Variants in MCM9 observed in about 807,000 individuals in gnomAD.
The protein encoded by MCM9 is minichromosome maintenance 9 homologous recombination repair factor.
MCM9 carries 55 observed loss-of-function variants against 72.8 expected under a neutral mutation model. The observed-to-expected ratio is 0.76, with a 90% CI of 0.61 to 0.95. The LOEUF (loss-of-function observed/expected upper bound fraction) is 0.95, where lower values mean the gene tolerates loss of function less well. Among genes scored for constraint, MCM9 ranks in the 40% least tolerant of loss-of-function variants. The pLI is 0.00. For synonymous variants in MCM9, 480 were observed against 503.4 expected, an observed-to-expected ratio of 0.95 and a Z score of 0.62; for missense variants, 1,279 against 1,377.0, an observed-to-expected ratio of 0.93 and a Z score of 1.13.
chr6:118,912,997 G>A, intron 7 of MCM9: 1 of 250,156 alleles, frequency 4.0e-6, no homozygotes, highest in Admixed American at 5.1e-5. Flanking sequence ...AACAGACCGG[G>A]GATCCAACAA....
At chr6:118,819,068 G>C (rs7759672) in intron 13 of MCM9, among the ~76,000 whole-genome samples, 1,572 of 152,064 alleles carry the variant, frequency 0.01, 29 homozygotes, top group African/African-American at 0.036. Flanking sequence ...TCTGCAAACA[G>C]AGACAATTTA....
chr6:118,842,895 G>A (rs1406439286), intron 9 of MCM9, among the ~76,000 whole-genome samples: 1 of 151,980 alleles, frequency 6.6e-6, no homozygotes, highest in Non-Finnish European at 1.5e-5. Context: ...TAAGCAGCCA[G>A]GACAAAATTT....
Position 118,815,197 on chromosome 6 carries a change from A to C in MCM9, c.3059T>G (p.Leu1020Ter), listed in dbSNP as rs1773331330. The C allele has an allele frequency of 1.3e-6, 2 of 1,550,544 alleles. No individual in the cohort carries two copies. Among genetic ancestry groups the C allele is most frequent in the Non-Finnish European group, 1.7e-6 (2 of 1,146,968 alleles). The change falls in exon 14 of 14, where the codon TTA becomes TGA. Residue 1020 changes from leucine (L) to a stop codon, truncating the protein, a stop_gained. Coordinates refer to ENST00000619706, the MANE Select transcript of MCM9 (RefSeq NM_017696.3). LOFTEE classifies it low-confidence loss of function (END_TRUNC). ...ACACCCAGTCTCGTTCCCAAGCTCT[A>C]ATTCAGGCTGAATAATCCTCTTCTC... is the stretch of plus-strand genomic sequence containing the variant. ...APEKRIIQPE[L>*]ELGNETGCAH...
intron 8 of MCM9, among the ~76,000 whole-genome samples, chr6:118,869,146 A>T (rs1259725991): frequency 6.6e-6 from 1 of 152,230 alleles, no homozygotes; most frequent in Non-Finnish European, 1.5e-5. Context: ...CATTCTCAGC[A>T]AACTATCAGA....
intron 8 of MCM9, among the ~76,000 whole-genome samples, chr6:118,864,237 G>A (rs1777080659): frequency 6.6e-6 from 1 of 152,016 alleles, no homozygotes; most frequent in African/African-American, 2.4e-5. Context: ...AGTCCCCAAA[G>A]TCCATTATAT....
chr6:118,875,428 T>C (rs1379414383), intron 8 of MCM9, among the ~76,000 whole-genome samples: 1 of 152,046 alleles, frequency 6.6e-6, no homozygotes, highest in Admixed American at 6.5e-5. Flanking sequence ...TTGAGCAATA[T>C]GTGTTTCAAT....
At chr6:118,819,256 T>C (rs766018984) in intron 13 of MCM9, among the ~76,000 whole-genome samples, 11 of 152,200 alleles carry the variant, frequency 7.2e-5, no homozygotes, top group African/African-American at 2.2e-4. Context: ...GGCTGTAGGT[T>C]TGTCATAAAT....
chr6:118,923,865 C>A lies in MCM9; in HGVS notation c.567G>T (p.Leu189Phe). 1 of 1,614,172 alleles carries A rather than the reference C, an allele frequency of 6.2e-7. No homozygotes were observed. The highest frequency in any genetic ancestry group is 8.5e-7 in the Non-Finnish European group (1 of 1,180,026). ...DSSKFTCLSG[L>F]SSSPTRCRDY... ...CTCTACACCTGGTTGGAGACGAAGA[C>A]AAGCCTGAGAGGCAAGTGAATTTAG... Residue 189 changes from leucine (L) to phenylalanine (F), a missense_variant, in exon 4 of 14, where the codon TTG becomes TTT. Transcript: ENST00000619706.
intron 8 of MCM9, among the ~76,000 whole-genome samples, chr6:118,897,479 T>C (rs1471842880): frequency 6.6e-6 from 1 of 152,104 alleles, no homozygotes; most frequent in African/African-American, 2.4e-5. Context: ...CTACTGTCAA[T>C]TGAATACTTA....
chr6:118,840,174 T>C (rs554190089), intron 9 of MCM9, among the ~76,000 whole-genome samples: 2 of 150,988 alleles, frequency 1.3e-5, no homozygotes, highest in African/African-American at 4.9e-5. Context: ...ATGTTATTTT[T>C]TTTTTTTTCT....
intron 8 of MCM9, among the ~76,000 whole-genome samples, chr6:118,858,747 C>T (rs1776726762): frequency 2.0e-5 from 3 of 152,038 alleles, no homozygotes; most frequent in African/African-American, 7.2e-5. Flanking sequence ...CTACAAAACA[C>T]TGACAGAGGA....
chr6:118,910,788 TC>T (rs1472092950), intron 8 of MCM9: 2 of 985,428 alleles, frequency 2.0e-6, no homozygotes, highest in Non-Finnish European at 2.4e-6. Context: ...GAGTTATATT[TC>T]AAAACCTGAG....
chr6:118,815,922 G>A lies in MCM9; in HGVS notation c.2334C>T (p.Asn778=). ...SGENMASKIS[N]STSQGKEKSE... is the part of the protein sequence containing the mutation. ...TCTTCTCCTTACCCTGAGATGTGCT[G>A]TTAGAGATCTTCGAAGCCATATTTT... Residue 778 remains asparagine, a synonymous_variant, in exon 14 of 14, where the codon AAC becomes AAT. Transcript: ENST00000619706. The A allele has an allele frequency of 6.5e-7, 1 of 1,548,316 alleles. No homozygotes were observed. Among genetic ancestry groups the A allele is most frequent in the Non-Finnish European group, 8.7e-7 (1 of 1,146,930 alleles).
At chr6:118,882,187 C>T (rs1377788933) in intron 8 of MCM9, among the ~76,000 whole-genome samples, 1 of 152,172 alleles carries the variant, frequency 6.6e-6, no homozygotes, top group Admixed American at 6.5e-5. Context: ...AAAGGTTCCA[C>T]CTGGAAAGAC....
chr6:118,877,507 C>T (rs1285740411), intron 8 of MCM9, among the ~76,000 whole-genome samples: 1 of 152,076 alleles, frequency 6.6e-6, no homozygotes, highest in South Asian at 2.1e-4. Flanking sequence ...CATTACACAC[C>T]CACAAGTATG....
chr6:118,906,364 C>T (rs953669621), intron 8 of MCM9, among the ~76,000 whole-genome samples: 2 of 152,156 alleles, frequency 1.3e-5, no homozygotes, highest in African/African-American at 4.8e-5. Context: ...TGAGCCACCA[C>T]GCCCAGAGAA....
chr6:118,832,314 T>C (rs1774615992), intron 9 of MCM9, among the ~76,000 whole-genome samples: 1 of 152,178 alleles, frequency 6.6e-6, no homozygotes, highest in Non-Finnish European at 1.5e-5. Context: ...CCTCCCGCCT[T>C]GGCCTCCCAA....
rs1360970499 is a variant in MCM9, at chr6:118,922,015, A to G, written c.693T>C (p.Ser231=). Residue 231 remains serine (S), a synonymous_variant, in exon 5 of 14, where the codon AGT becomes AGC. Coordinates refer to ENST00000619706, the MANE Select transcript of MCM9 (RefSeq NM_017696.3). ...TTCCCCTCTTCTTACCAGATTTGCAACTATCCACTAAGTCATCTTCCAGAA... is the reference window on the plus strand; with the variant it reads ...TTCCCCTCTTCTTACCAGATTTGCAGCTATCCACTAAGTCATCTTCCAGAA... ...KVILEDDLVD[S]CKSGDDLTIY... The G allele has an allele frequency of 3.7e-6, 6 of 1,612,500 alleles. No homozygotes were observed. The highest frequency in any genetic ancestry group is 5.1e-6 in the Non-Finnish European group (6 of 1,179,256).
chr6:118,840,741 C>G (rs905751324), intron 9 of MCM9, among the ~76,000 whole-genome samples: 32 of 108,866 alleles, frequency 2.9e-4, no homozygotes, highest in African/African-American at 4.9e-4. Flanking sequence ...CTCCCCCCCC[C>G]CTTTTTTTTT....
Sources: allele counts gnomAD v4.1 joint callset (sites outside exome capture counted in the v4.1 genomes callset), GRCh38; gene constraint gnomAD v4.1.1; transcripts MANE v1.5; gene names NCBI Gene and HGNC (gene_info 2026-07-23, HGNC 2026-07-21).